DAP3: variants seen among roughly 807,000 people sequenced by gnomAD.
DAP3 encodes the protein death associated protein 3.
A neutral mutation model predicts 51.9 loss-of-function variants in DAP3; 28 were observed. That is an observed-to-expected ratio of 0.54 (90% confidence interval 0.40 to 0.74). The LOEUF (loss-of-function observed/expected upper bound fraction) is 0.74, where lower values mean the gene tolerates loss of function less well. Among genes scored for constraint, DAP3 ranks in the 30% least tolerant of loss-of-function variants. The probability of loss-of-function intolerance (pLI) is 0.00; values close to 1 mark genes in which losing one functional copy is unlikely to be tolerated. For missense variants in DAP3, 458 were observed against 483.5 expected, an observed-to-expected ratio of 0.95 and a Z score of 0.49; for synonymous variants, 170 against 170.3, an observed-to-expected ratio of 1.00 and a Z score of 0.01.
chr1:155,691,854 C>T (rs371471347), intron 1 of DAP3, among the ~76,000 whole-genome samples: 4 of 141,144 alleles, frequency 2.8e-5, no homozygotes, highest in Admixed American at 6.6e-5. Context: ...TCAGCACCAC[C>T]CGTAGGGTAT....
At chr1:155,711,428 G>T (rs1201265977) in intron 2 of DAP3, among the ~76,000 whole-genome samples, 2 of 152,220 alleles carry the variant, frequency 1.3e-5, no homozygotes, top group South Asian at 4.1e-4. Context: ...AAGAGGTAGA[G>T]GTTGCAGTGA....
chr1:155,731,829 C>G, intron 10 of DAP3, 115 bp from the exon 11 acceptor site: 1 of 1,066,466 alleles, frequency 9.4e-7, no homozygotes, highest in Non-Finnish European at 1.3e-6. Flanking sequence ...CTGTGCTAGA[C>G]CACACTTTTG....
intron 1 of DAP3, among the ~76,000 whole-genome samples, chr1:155,690,571 T>C (rs1653644377): frequency 7.0e-6 from 1 of 141,846 alleles, no homozygotes; most frequent in Non-Finnish European, 1.5e-5. Flanking sequence ...GCAGAAAAGC[T>C]GAGGAAATGC....
chr1:155,733,576 C>T (rs1221553168), intron 11 of DAP3, among the ~76,000 whole-genome samples: 2 of 152,098 alleles, frequency 1.3e-5, no homozygotes, highest in Non-Finnish European at 2.9e-5. Flanking sequence ...TGATGGCTCA[C>T]GTCTGTAATC....
chr1:155,736,905 T>C, intron 11 of DAP3, 41 bp from the exon 12 acceptor site: 1 of 1,495,160 alleles, frequency 6.7e-7, no homozygotes, highest in East Asian at 2.3e-5. Context: ...TGGTGCTTTG[T>C]TCCTTAACTA....
intron 1 of DAP3, among the ~76,000 whole-genome samples, chr1:155,707,531 C>A (rs890762385): frequency 6.6e-6 from 1 of 152,186 alleles, no homozygotes; most frequent in South Asian, 2.1e-4. Flanking sequence ...AACCTCTTAG[C>A]TCCAAAAGAT....
chr1:155,691,078 T>TTTGTA (rs1251936778), intron 1 of DAP3, among the ~76,000 whole-genome samples: 1 of 141,754 alleles, frequency 7.1e-6, no homozygotes, highest in Non-Finnish European at 1.5e-5. Flanking sequence ...CAGCTAATTT[T>TTTGTA]TTGTATTTTT....
At chr1:155,688,903 G>T (rs373858221), upstream of DAP3, 430 of 1,612,664 alleles carry the variant, frequency 2.7e-4, 2 homozygotes, top group South Asian at 4.3e-4. Context: ...TTGCCAGGGT[G>T]GCCGGCCGAG....
intron 3 of DAP3, among the ~76,000 whole-genome samples, chr1:155,719,798 T>C (rs1294668872): frequency 6.6e-6 from 1 of 151,540 alleles, no homozygotes; most frequent in African/African-American, 2.4e-5. Context: ...CCACCCACCT[T>C]GGCCTCCCAT....
At chr1:155,694,357 G>C (rs1654247856) in intron 1 of DAP3, among the ~76,000 whole-genome samples, 1 of 141,596 alleles carries the variant, frequency 7.1e-6, no homozygotes, top group Admixed American at 6.6e-5. Flanking sequence ...CCAACCATGT[G>C]ACAGGCCTAA....
At chr1:155,733,656 G>A (rs1659471137) in intron 11 of DAP3, among the ~76,000 whole-genome samples, 1 of 151,296 alleles carries the variant, frequency 6.6e-6, no homozygotes, top group South Asian at 2.1e-4. Flanking sequence ...GGCCAATATG[G>A]TGAAATCCTG....
intron 1 of DAP3, 103 bp downstream of exon 1, chr1:155,689,277 C>CG (rs1260504833): frequency 1.1e-5 from 7 of 651,824 alleles, no homozygotes; most frequent in African/African-American, 3.6e-5. Context: ...GGCGCGCCTC[C>CG]GGGGGGGATT....
Position 155,737,077 on chromosome 1 carries a change from T to G in DAP3, c.1111+14T>G, listed in dbSNP as rs751259759. On this transcript the variant is annotated intron_variant, in intron 12 of 12. Transcript: ENST00000368336. ...AACATGAGAAAGGTCCATCATTTAGTTTTTTCCTATCAGGGCTTTGTGATC... is the reference window on the plus strand; with the variant it reads ...AACATGAGAAAGGTCCATCATTTAGGTTTTTCCTATCAGGGCTTTGTGATC... 1.7e-5 allele frequency: 27 copies of G among 1,580,628 alleles called. No individual in the cohort carries two copies. The highest frequency in any genetic ancestry group is 2.3e-5 in the Non-Finnish European group (27 of 1,150,212).
chr1:155,721,621 G>T lies in DAP3; in HGVS notation c.270+3G>T. The T allele has an allele frequency of 6.2e-7, 1 of 1,613,988 alleles. No individual in the cohort carries two copies. The highest frequency in any genetic ancestry group is 8.5e-7 in the Non-Finnish European group (1 of 1,179,940). ...TTCCTCCTCGCTTTGTGATGCAGGT[G>T]CTCAAGACAGGGAATGGAATTGGAG... is the stretch of plus-strand genomic sequence containing the variant. On this transcript the variant is annotated splice_donor_region_variant and intron_variant, in intron 4 of 12. Coordinates refer to ENST00000368336, the MANE Select transcript of DAP3 (RefSeq NM_004632.4).
upstream of DAP3, chr1:155,688,525 C>CACCA: frequency 6.5e-7 from 1 of 1,544,440 alleles, no homozygotes; most frequent in Non-Finnish European, 8.7e-7. Flanking sequence ...TGGCTGCTCC[C>CACCA]ACCAACCACC....
chr1:155,736,583 AT>A (rs991633425), intron 11 of DAP3: 1 of 263,630 alleles, frequency 3.8e-6, no homozygotes, highest in Non-Finnish European at 7.4e-6. Context: ...CTCCTGGCTA[AT>A]TTTTGTATTT....
intron 4 of DAP3, among the ~76,000 whole-genome samples, chr1:155,723,870 C>A (rs1182814999): frequency 6.6e-6 from 1 of 152,068 alleles, no homozygotes; most frequent in East Asian, 1.9e-4. Flanking sequence ...GAAACTCCAT[C>A]TCTACTAAAA....
chr1:155,725,832 C>A, intron 5 of DAP3, 95 bp from the exon 6 acceptor site: 1 of 1,184,212 alleles, frequency 8.4e-7, no homozygotes, highest in Non-Finnish European at 1.2e-6. Context: ...CCACTGCACT[C>A]CAACCCCATC....
At chr1:155,689,438 T>C in intron 1 of DAP3, 1 of 465,052 alleles carries the variant, frequency 2.2e-6, no homozygotes, top group Non-Finnish European at 4.3e-6. Flanking sequence ...CACTTACTCA[T>C]GGATGGTACT....
Sources: allele counts gnomAD v4.1 joint callset (sites outside exome capture counted in the v4.1 genomes callset), GRCh38; gene constraint gnomAD v4.1.1; transcripts MANE v1.5; gene names NCBI Gene and HGNC (gene_info 2026-07-23, HGNC 2026-07-21).